MMP26: variants seen among roughly 807,000 people sequenced by gnomAD.
MMP26 encodes matrix metallopeptidase 26.
MMP26 carries 33 observed loss-of-function variants against 31.0 expected under a neutral mutation model. That is an observed-to-expected ratio of 1.06 (90% CI 0.81 to 1.42). The LOEUF is 1.42. Among genes scored for constraint, MMP26 ranks in the 40% most tolerant of loss-of-function variants. The pLI, the probability that MMP26 is intolerant of heterozygous loss-of-function variation, is 0.00. For synonymous variants in MMP26, 122 were observed against 114.9 expected (o/e 1.06, Z -0.40); for missense variants, 347 against 316.1 (o/e 1.10, Z -0.74).
intron 1 of MMP26, among the ~76,000 whole-genome samples, chr11:4,714,143 G>A (rs1462001071): frequency 6.6e-6 from 1 of 152,144 alleles, no homozygotes; most frequent in Non-Finnish European, 1.5e-5. Context: ...AAGTAAAACT[G>A]CTGCATTTAC....
At chr11:4,720,960 G>T (rs1199802084) in intron 1 of MMP26, among the ~76,000 whole-genome samples, 1 of 152,120 alleles carries the variant, frequency 6.6e-6, no homozygotes, top group Non-Finnish European at 1.5e-5. Context: ...CTAGAAACTG[G>T]AACCAATGCA....
Position 4,947,170 on chromosome 11 carries a change from T to C in MMP26, c.-144-40898T>C, listed in dbSNP as rs1281696337. The C allele has an allele frequency of 6.7e-6, 7 of 1,051,564 alleles. 1 individual carries two copies. In the African/African-American group the frequency reaches 1.2e-4, roughly 17 times the overall value. The allele number at this position is 1,051,564 out of a possible 1,614,324, so 65.1% of individuals were successfully genotyped here. ...TTGGTAAAATAGGAATATCTGTAAA[T>C]TTAGTAGAAAAAAAGCAGTGTTAAA... On this transcript the variant is annotated intron_variant, in intron 2 of 7. Transcript: ENST00000380390.
intron 1 of MMP26, among the ~76,000 whole-genome samples, chr11:4,748,435 C>T (rs982018360): frequency 6.6e-6 from 1 of 152,030 alleles, no homozygotes; most frequent in Admixed American, 6.6e-5. Flanking sequence ...TTACCCCTAA[C>T]TCATTTTATG....
chr11:4,810,083 C>T (rs983818427), intron 2 of MMP26, among the ~76,000 whole-genome samples: 2 of 152,220 alleles, frequency 1.3e-5, no homozygotes, highest in African/African-American at 4.8e-5. Context: ...CACTGGCTTC[C>T]TTCTGAGACT....
chr11:4,888,166 T>C (rs1417959662), intron 2 of MMP26, among the ~76,000 whole-genome samples: 1 of 152,180 alleles, frequency 6.6e-6, no homozygotes, highest in Non-Finnish European at 1.5e-5. Context: ...AATAGTTTTC[T>C]AATAATTCAT....
chr11:4,902,543 G>A (rs1222566757), intron 2 of MMP26, among the ~76,000 whole-genome samples: 1 of 152,096 alleles, frequency 6.6e-6, no homozygotes. Context: ...TTGGTTTCAT[G>A]TCTTTGCTAT....
At position 4,821,215 on chromosome 11, in the gene MMP26, C is replaced by T. The variant is rs186355243; in HGVS notation, c.-145+53874C>T. 2,090 of 610,088 alleles carry T rather than the reference C, an allele frequency of 3.4e-3. 12 individuals carry two copies. Among genetic ancestry groups the T allele is most frequent in the Middle Eastern group, 8.0e-3 (18 of 2,240 alleles). 37.8% of individuals were successfully genotyped at this position (610,088 alleles called of 1,614,324 possible). On this transcript the variant is annotated intron_variant, in intron 2 of 7. Coordinates refer to ENST00000380390, the MANE Select transcript of MMP26 (RefSeq NM_021801.5). The stretch of plus-strand genomic sequence containing the variant: ...TTGATGTGGCACAGTTCAGGGAATT[C>T]ACTTTTCTCAATAAATGTGAAACAC...
At chr11:4,720,804 G>A (rs938514397) in intron 1 of MMP26, among the ~76,000 whole-genome samples, 5 of 152,274 alleles carry the variant, frequency 3.3e-5, no homozygotes, top group South Asian at 2.1e-4. Flanking sequence ...TTCCCCGCTC[G>A]CTATAGCTCA....
chr11:4,780,101 G>A (rs185679936), intron 2 of MMP26, among the ~76,000 whole-genome samples: 33 of 151,998 alleles, frequency 2.2e-4, no homozygotes, highest in Admixed American at 2.6e-4. Context: ...ACTATTGTTG[G>A]TCATTTTGTT....
chr11:4,794,003 G>A (rs982442393), intron 2 of MMP26: 2 of 152,126 alleles, frequency 1.3e-5, no homozygotes, highest in Non-Finnish European at 2.9e-5. Context: ...TAAATACCTT[G>A]GGCAGAGATT....
At chr11:4,874,763 G>T (rs907293025) in intron 2 of MMP26, among the ~76,000 whole-genome samples, 8 of 152,036 alleles carry the variant, frequency 5.3e-5, no homozygotes, top group Non-Finnish European at 1.2e-4. Flanking sequence ...TTCTTAAGAT[G>T]ACACCAAAAA....
chr11:4,779,385 A>T (rs1848829839), intron 2 of MMP26, among the ~76,000 whole-genome samples: 1 of 151,958 alleles, frequency 6.6e-6, no homozygotes. Flanking sequence ...TTACTGAGTT[A>T]TTTTTGATAA....
intron 2 of MMP26, among the ~76,000 whole-genome samples, chr11:4,960,131 T>G (rs1846500913): frequency 6.9e-6 from 1 of 144,646 alleles, no homozygotes; most frequent in East Asian, 2.1e-4. Flanking sequence ...AAATAAAATT[T>G]TGAAGCAAAT....
intron 2 of MMP26, among the ~76,000 whole-genome samples, chr11:4,925,061 G>A (rs1049286271): frequency 1.3e-5 from 2 of 152,188 alleles, no homozygotes; most frequent in African/African-American, 4.8e-5. Flanking sequence ...AATGCATTGT[G>A]AGCCTGTTAA....
chr11:4,728,021 A>G (rs1164409901), intron 1 of MMP26, among the ~76,000 whole-genome samples: 1 of 152,206 alleles, frequency 6.6e-6, no homozygotes, highest in African/African-American at 2.4e-5. Context: ...TTCTCCTGAG[A>G]AGTAAAATTT....
chr11:4,882,003 G>C (rs774819211), intron 2 of MMP26: 4 of 1,613,836 alleles, frequency 2.5e-6, no homozygotes, highest in South Asian at 2.2e-5. Flanking sequence ...CCAGTCTGCT[G>C]TCTCTACACC....
chr11:4,967,110 AG>A (rs1380263917), intron 2 of MMP26, among the ~76,000 whole-genome samples: 1 of 152,196 alleles, frequency 6.6e-6, no homozygotes, highest in African/African-American at 2.4e-5. Context: ...GTTTGGTGAA[AG>A]GATAGTTTTA....
intron 2 of MMP26, among the ~76,000 whole-genome samples, chr11:4,835,376 A>G (rs1849704391): frequency 1.3e-5 from 2 of 152,100 alleles, no homozygotes; most frequent in South Asian, 4.1e-4. Flanking sequence ...CACTTTGTAA[A>G]TGTGCTTGCT....
At chr11:4,789,750 C>T (rs1589901222) in intron 2 of MMP26, among the ~76,000 whole-genome samples, 1 of 151,500 alleles carries the variant, frequency 6.6e-6, no homozygotes, top group Admixed American at 6.6e-5. Context: ...CTGTGTTAGC[C>T]AGGATGGTGT....
Sources: gnomAD v4.1 joint callset for allele counts (sites outside exome capture counted in the v4.1 genomes callset) on GRCh38, gnomAD v4.1.1 for gene constraint, MANE v1.5 for transcripts, NCBI Gene and HGNC (gene_info 2026-07-23, HGNC 2026-07-21) for gene names.